The following SLC2A13 variants were observed in gnomAD, a reference collection of about 807,000 sequenced individuals.
SLC2A13 encodes the protein solute carrier family 2 member 13.
Under a neutral mutation model 64.4 loss-of-function variants are expected in SLC2A13, and 32 were observed. The ratio of observed to expected loss-of-function variants is 0.50; its 90% CI spans 0.37 to 0.67. The LOEUF is 0.67. Ranked by LOEUF, SLC2A13 falls within the 30% of genes least tolerant of loss-of-function variation. The probability of loss-of-function intolerance (pLI) is 0.00; values close to 1 mark genes in which losing one functional copy is unlikely to be tolerated. For missense variants in SLC2A13, 743 were observed against 829.2 expected (o/e 0.90, Z 1.28); for synonymous variants, 338 against 327.1 (o/e 1.03, Z -0.36).
intron 3 of SLC2A13, among the ~76,000 whole-genome samples, chr12:40,018,443 T>C (rs1411286627): frequency 1.3e-5 from 2 of 152,208 alleles, no homozygotes; most frequent in Non-Finnish European, 2.9e-5. Context: ...CATTCTACTT[T>C]CTCAATAGTT....
chr12:39,962,600 T>C (rs1219783977), intron 3 of SLC2A13, among the ~76,000 whole-genome samples: 3 of 152,232 alleles, frequency 2.0e-5, no homozygotes, highest in Non-Finnish European at 4.4e-5. Flanking sequence ...ACAGACACAC[T>C]TGACTGATGG....
chr12:40,100,257 C>T (rs1158490111), intron 1 of SLC2A13, among the ~76,000 whole-genome samples: 2 of 152,152 alleles, frequency 1.3e-5, no homozygotes, highest in African/African-American at 2.4e-5. Context: ...CAACGAATCC[C>T]GTGCTGTATA....
intron 3 of SLC2A13, among the ~76,000 whole-genome samples, chr12:40,001,084 C>G (rs753554088): frequency 6.6e-6 from 1 of 152,214 alleles, no homozygotes; most frequent in East Asian, 1.9e-4. Flanking sequence ...CATGACCAAG[C>G]AAACAGGAGT....
chr12:40,067,654 T>C (rs1157870973), intron 1 of SLC2A13, among the ~76,000 whole-genome samples: 2 of 152,146 alleles, frequency 1.3e-5, no homozygotes, highest in Non-Finnish European at 2.9e-5. Context: ...TCTTCATCAT[T>C]CTACTAATAC....
intron 1 of SLC2A13, among the ~76,000 whole-genome samples, chr12:40,092,366 T>C (rs1171927896): frequency 1.3e-5 from 2 of 152,176 alleles, no homozygotes; most frequent in African/African-American, 4.8e-5. Flanking sequence ...TGCCACTCCA[T>C]TTGCTATGAA....
intron 4 of SLC2A13, among the ~76,000 whole-genome samples, chr12:39,925,691 G>T (rs985914313): frequency 1.3e-5 from 2 of 152,044 alleles, no homozygotes; most frequent in Non-Finnish European, 2.9e-5. Flanking sequence ...ACTACTAAAA[G>T]AGCCACTACT....
chr12:39,842,760 C>G (rs951196850), intron 6 of SLC2A13, among the ~76,000 whole-genome samples: 1 of 151,926 alleles, frequency 6.6e-6, no homozygotes, highest in African/African-American at 2.4e-5. Flanking sequence ...AGAATAAATC[C>G]TTTACTTCCC....
chr12:39,794,153 A>AAACCT (rs1941499671), intron 7 of SLC2A13, among the ~76,000 whole-genome samples: 1 of 151,012 alleles, frequency 6.6e-6, no homozygotes, highest in Non-Finnish European at 1.5e-5. Context: ...AAAAAAACCA[A>AAACCT]AACAAAACCT....
chr12:39,757,771 C>G lies in SLC2A13; in HGVS notation c.*2255G>C, dbSNP rs905342390. The G allele has an allele frequency of 6.6e-6, 1 of 152,046 alleles. No individual in the cohort carries two copies. Among genetic ancestry groups the G allele is most frequent in the African/African-American group, 2.4e-5 (1 of 41,342 alleles). 9.4% of individuals were successfully genotyped at this position (152,046 alleles called of 1,614,324 possible). A position where few individuals can be genotyped will look rare whatever the true frequency, so the allele number is the denominator to read the frequency against. On this transcript the variant is annotated 3_prime_UTR_variant, in exon 10 of 10. Transcript: ENST00000280871. ...ATCAGGGAGAACAGGCCATGTTCTG[C>G]TTTAGGAAATAACAAGAGTCCAGTT... is the stretch of plus-strand genomic sequence containing the variant.
At chr12:40,049,225 AG>A (rs752334208) in intron 1 of SLC2A13, among the ~76,000 whole-genome samples, 2 of 152,032 alleles carry the variant, frequency 1.3e-5, no homozygotes, top group African/African-American at 4.8e-5. Flanking sequence ...AAAAAAAAAA[AG>A]ATTGCCTAAA....
At chr12:39,803,300 T>C (rs145784982) in intron 7 of SLC2A13, among the ~76,000 whole-genome samples, 119 of 151,390 alleles carry the variant, frequency 7.9e-4, no homozygotes, top group African/African-American at 2.7e-3. Context: ...TAGACTTATA[T>C]GACAATTATA....
chr12:39,860,367 G>A (rs942319991), intron 6 of SLC2A13, among the ~76,000 whole-genome samples: 48 of 152,186 alleles, frequency 3.2e-4, no homozygotes, highest in Non-Finnish European at 1.2e-4. Context: ...ACTACTAGTG[G>A]TTTACAAATA....
At chr12:39,826,709 GT>G (rs150029103) in intron 7 of SLC2A13, among the ~76,000 whole-genome samples, 7,646 of 145,468 alleles carry the variant, frequency 0.053, 578 homozygotes, top group African/African-American at 0.17. Context: ...AGCTTCCCAA[GT>G]TTTTTTTTTG....
chr12:39,769,207 T>A (rs977656904), intron 7 of SLC2A13, among the ~76,000 whole-genome samples: 1 of 152,150 alleles, frequency 6.6e-6, no homozygotes, highest in Non-Finnish European at 1.5e-5. Flanking sequence ...AGACATTCCA[T>A]AAACTTTTGT....
chr12:39,837,841 A>G (rs933309937), intron 6 of SLC2A13, among the ~76,000 whole-genome samples: 2 of 151,938 alleles, frequency 1.3e-5, no homozygotes, highest in Non-Finnish European at 2.9e-5. Context: ...TCAGGAAACA[A>G]CAGGTGCTGG....
At chr12:39,949,601 C>T (rs1565557233) in intron 4 of SLC2A13, 3 of 152,174 alleles carry the variant, frequency 2.0e-5, no homozygotes, top group Admixed American at 2.0e-4. Flanking sequence ...ACACTGGCCC[C>T]AGTCACTACC....
At chr12:39,880,137 C>A (rs578205825) in intron 4 of SLC2A13, among the ~76,000 whole-genome samples, 7 of 152,276 alleles carry the variant, frequency 4.6e-5, no homozygotes, top group Non-Finnish European at 7.3e-5. Context: ...CCCAAGGCCT[C>A]CCCAGAAGCT....
intron 1 of SLC2A13, among the ~76,000 whole-genome samples, chr12:40,089,673 T>C (rs929950349): frequency 6.6e-5 from 10 of 152,196 alleles, no homozygotes; most frequent in Non-Finnish European, 1.3e-4. Context: ...AAGGAGTCTG[T>C]CTCACTGTTG....
In SLC2A13 at chr12:39,764,545, A is replaced by G. The variant is rs952545767; in HGVS notation, c.1635T>C (p.Asn545=). 6 of 1,612,144 alleles carry G rather than the reference A, an allele frequency of 3.7e-6. No individual in the cohort carries two copies. Among genetic ancestry groups the G allele is most frequent in the South Asian group, 1.1e-5 (1 of 90,620 alleles). The part of the protein sequence containing the change: ...IYPLWARSTG[N]ACSSGINWIF... ...TCCAGTTTATTCCAGATGAACATGC[A>G]TTTCCTGTACTTCTTGCCCAAAGGG... The change falls in exon 9 of 10, where the codon AAT becomes AAC. Residue 545 remains asparagine (N), a synonymous_variant. Transcript: ENST00000280871.
Sources: allele counts gnomAD v4.1 joint callset (sites outside exome capture counted in the v4.1 genomes callset), GRCh38; gene constraint gnomAD v4.1.1; transcripts MANE v1.5; gene names NCBI Gene and HGNC (gene_info 2026-07-23, HGNC 2026-07-21).